RGS12: variants seen among roughly 807,000 people sequenced by gnomAD.
RGS12 encodes regulator of G protein signaling 12, also known as regulator of G-protein signaling 12.
In RGS12, 66 loss-of-function variants were observed where a neutral mutation model predicts 120.1. The observed-to-expected ratio is 0.55, with a 90% CI of 0.45 to 0.67. The LOEUF (loss-of-function observed/expected upper bound fraction) is 0.67, where lower values mean the gene tolerates loss of function less well. RGS12 is among the 30% of genes least tolerant of loss of function. The pLI is 0.00. For synonymous variants in RGS12, 827 were observed against 804.7 expected, an observed-to-expected ratio of 1.03 and a Z score of -0.47; for missense variants, 1,859 against 1,957.7, an observed-to-expected ratio of 0.95 and a Z score of 0.95.
chr4:3,381,933 C>T (rs959973272), intron 3 of RGS12, among the ~76,000 whole-genome samples: 2 of 152,194 alleles, frequency 1.3e-5, no homozygotes, highest in African/African-American at 2.4e-5. Context: ...GAGAGCTGTG[C>T]ACTGTGTAAA....
In RGS12 at chr4:3,439,451, A is replaced by T. The variant is rs753248719; in HGVS notation, c.4115-4A>T. The stretch of plus-strand genomic sequence containing the variant: ...AGTGACAGCTTCTCTTCTCCTTGTG[A>T]CAGGAAGTGGGACCCATGGCAGCCG... On this transcript the variant is annotated splice_region_variant and splice_polypyrimidine_tract_variant and intron_variant, in intron 17 of 17. Transcript: ENST00000336727. 3 of 1,612,544 alleles carry T rather than the reference A, an allele frequency of 1.9e-6. No homozygotes were observed. The highest frequency in any genetic ancestry group is 2.5e-6 in the Non-Finnish European group (3 of 1,179,840).
chr4:3,394,079 C>T (rs1206916115), intron 4 of RGS12, among the ~76,000 whole-genome samples: 1 of 152,190 alleles, frequency 6.6e-6, no homozygotes, highest in Non-Finnish European at 1.5e-5. Context: ...CTCAGAGCAC[C>T]TGCGACTGAC....
At chr4:3,416,860 G>T (rs1722456816) in intron 7 of RGS12, 53 bp from the exon 8 acceptor site, 4 of 1,523,154 alleles carry the variant, frequency 2.6e-6, no homozygotes, top group Admixed American at 1.9e-5. Context: ...CGCGCCTGAG[G>T]CTGCATGTCT....
intron 3 of RGS12, among the ~76,000 whole-genome samples, chr4:3,369,296 C>T (rs948434273): frequency 9.2e-5 from 14 of 152,230 alleles, no homozygotes; most frequent in African/African-American, 1.4e-4. Flanking sequence ...ATTTCTGAAA[C>T]GAAGTGTGTG....
chr4:3,430,039 A>C (rs1258767368), intron 16 of RGS12, among the ~76,000 whole-genome samples: 1 of 152,240 alleles, frequency 6.6e-6, no homozygotes, highest in African/African-American at 2.4e-5. Flanking sequence ...GCCAGTCCTC[A>C]GAGGGCCCCA....
At chr4:3,309,684 AGGGGAACCGTGCAGG>A (rs1237408356) in intron 1 of RGS12, among the ~76,000 whole-genome samples, 6,342 of 124,106 alleles carry the variant, frequency 0.051, 44 homozygotes, top group Admixed American at 0.073. Context: ...GTGTCCGCTG[AGGGGAACCGTGCAGG>A]GGAGGAGCTG....
Position 3,439,570 on chromosome 4 carries a change from T to C in RGS12, c.4230T>C (p.Pro1410=). 3 of 1,611,758 alleles carry C rather than the reference T, an allele frequency of 1.9e-6. No homozygotes were observed. Among genetic ancestry groups the C allele is most frequent in the Non-Finnish European group, 2.5e-6 (3 of 1,179,354 alleles). ...GCATAGCGGGGGCACAGGCTGGCCC[T>C]GGGAGGTCGCAGGCCAGTGGTGGGC... ...DGGIAGAQAG[P]GRSQASGGPP... Residue 1410 remains proline, a synonymous_variant, in exon 18 of 18, where the codon CCT becomes CCC. Transcript: ENST00000336727.
chr4:3,351,641 A>G (rs1170128219), intron 3 of RGS12, among the ~76,000 whole-genome samples: 6 of 152,212 alleles, frequency 3.9e-5, no homozygotes, highest in African/African-American at 7.2e-5. Context: ...AGTTGGCAGA[A>G]AAAAGAGATG....
At position 3,319,148 on chromosome 4, in the gene RGS12, C is replaced by T. The variant is rs190286818; in HGVS notation, c.1881+1097C>T. 2.4e-3 allele frequency among the ~76,000 whole-genome samples: 371 copies of T among 152,182 alleles called. 2 individuals carry two copies. The highest frequency in any genetic ancestry group is 8.3e-3 in the African/African-American group (346 of 41,508). ...GAGCATTTAAAGGCAAGGAAGGAGC[C>T]GGCTGCCGTGGCACACGCCTGTAAC... On this transcript the variant is annotated intron_variant, in intron 2 of 17. Coordinates refer to ENST00000336727, the MANE Select transcript of RGS12 (RefSeq NM_001394154.1).
Position 3,316,341 on chromosome 4 carries a change from C to T in RGS12, c.171C>T (p.Gly57=). ...GAGGGAGCCCTGCGGATTTCGTGGG[C>T]CTCCGAGCTGGAGACCAGATACTTG... The part of the protein sequence containing the change: ...VMRGSPADFV[G]LRAGDQILAV... The change falls in exon 2 of 18, where the codon GGC becomes GGT. Residue 57 remains glycine (G), a synonymous_variant. Coordinates refer to ENST00000336727, the MANE Select transcript of RGS12 (RefSeq NM_001394154.1). 6.2e-7 allele frequency: 1 copy of T among 1,611,516 alleles called. No individual in the cohort carries two copies. Among genetic ancestry groups the T allele is most frequent in the Non-Finnish European group, 8.5e-7 (1 of 1,178,774 alleles).
intron 14 of RGS12, among the ~76,000 whole-genome samples, chr4:3,427,597 G>A (rs986705442): frequency 6.6e-6 from 1 of 152,176 alleles, no homozygotes; most frequent in Admixed American, 6.5e-5. Context: ...TTAGCTGGGT[G>A]TGGTGGCACA....
chr4:3,316,576 C>A lies in RGS12; in HGVS notation c.406C>A (p.Arg136=). ...AGCACTAGGTATAAACAGAGCAGAG[C>A]GAGTCGTGGAGGAAATGCAGTCTGG... is the stretch of plus-strand genomic sequence containing the variant. ...SKALGINRAE[R]VVEEMQSGGI... Residue 136 remains arginine (R), a synonymous_variant, in exon 2 of 18, where the codon CGA becomes AGA. Coordinates refer to ENST00000336727, the MANE Select transcript of RGS12 (RefSeq NM_001394154.1). 5.6e-6 allele frequency: 9 copies of A among 1,614,096 alleles called. No homozygotes were observed. Among genetic ancestry groups the A allele is most frequent in the Non-Finnish European group, 7.6e-6 (9 of 1,180,028 alleles).
Position 3,330,280 on chromosome 4 carries a change from C to T in RGS12, c.1881+12229C>T, listed in dbSNP as rs573568844. On this transcript the variant is annotated intron_variant, in intron 2 of 17. Coordinates refer to ENST00000336727, the MANE Select transcript of RGS12 (RefSeq NM_001394154.1). ...AATCCTAGACACACCAAGTACATCC[C>T]GCTGAAGGCATTCCACAGATAAGGA... Among the ~76,000 whole-genome samples the T allele has an allele frequency of 5.9e-5, 9 of 152,306 alleles. No homozygotes were observed. The South Asian group carries it at 1.0e-3, about 18-fold the overall frequency.
intron 17 of RGS12, among the ~76,000 whole-genome samples, chr4:3,435,204 TGC>T (rs1724691950): frequency 6.6e-6 from 1 of 152,110 alleles, no homozygotes; most frequent in Non-Finnish European, 1.5e-5. Flanking sequence ...GTGCGATGTT[TGC>T]CTGCCGGGGC....
At chr4:3,347,547 A>G (rs948914428) in intron 3 of RGS12, among the ~76,000 whole-genome samples, 1 of 152,236 alleles carries the variant, frequency 6.6e-6, no homozygotes, top group Non-Finnish European at 1.5e-5. Context: ...CTCATCAGTT[A>G]TTTAATCTCA....
At chr4:3,423,408 C>G (rs575330391) in intron 12 of RGS12, 107 bp from the exon 13 acceptor site, 1 of 1,456,294 alleles carries the variant, frequency 6.9e-7, no homozygotes, top group Non-Finnish European at 9.5e-7. Flanking sequence ...GGGGGCACAC[C>G]GAGGCCTTGA....
the RGS12 span, among the ~76,000 whole-genome samples, chr4:3,287,439 T>C: frequency 2.4e-4 from 36 of 152,236 alleles, 1 homozygote; most frequent in Admixed American, 2.2e-3. Flanking sequence ...CTTCGGTTCT[T>C]TGACAAGAAG....
At chr4:3,421,761 G>A (rs1241943453) in intron 10 of RGS12, among the ~76,000 whole-genome samples, 2 of 152,242 alleles carry the variant, frequency 1.3e-5, no homozygotes, top group Admixed American at 6.5e-5. Context: ...TGCCCACCCA[G>A]GTCTGGGCTG....
At chr4:3,338,653 G>C (rs1056543209) in intron 2 of RGS12, among the ~76,000 whole-genome samples, 7 of 152,158 alleles carry the variant, frequency 4.6e-5, no homozygotes, top group African/African-American at 1.7e-4. Context: ...GTTGGCGGGC[G>C]GGCGGTGTCT....
Sources: allele counts gnomAD v4.1 joint callset (sites outside exome capture counted in the v4.1 genomes callset), GRCh38; gene constraint gnomAD v4.1.1; transcripts MANE v1.5; gene names NCBI Gene and HGNC (gene_info 2026-07-23, HGNC 2026-07-21).